PAPPA2: variants seen among roughly 807,000 people sequenced by gnomAD.
PAPPA2 encodes pappalysin 2.
A neutral mutation model predicts 176.4 loss-of-function variants in PAPPA2; 86 were observed. The observed-to-expected ratio is 0.49, with a 90% CI of 0.41 to 0.58. The LOEUF is 0.58. Among genes scored for constraint, PAPPA2 ranks in the 20% least tolerant of loss-of-function variants. The pLI, the probability that PAPPA2 is intolerant of heterozygous loss-of-function variation, is 0.00. For missense variants in PAPPA2, 2,073 were observed against 2,256.9 expected, an observed-to-expected ratio of 0.92 and a Z score of 1.65; for synonymous variants, 809 against 852.2, an observed-to-expected ratio of 0.95 and a Z score of 0.88.
At chr1:176,467,335 C>T (rs897549122) in intron 1 of PAPPA2, among the ~76,000 whole-genome samples, 1 of 152,196 alleles carries the variant, frequency 6.6e-6, no homozygotes, top group African/African-American at 2.4e-5. Flanking sequence ...AGCTGAGGAG[C>T]TTTTCTCCTC....
At chr1:176,590,525 A>G (rs1653593946) in intron 2 of PAPPA2, among the ~76,000 whole-genome samples, 1 of 152,138 alleles carries the variant, frequency 6.6e-6, no homozygotes, top group African/African-American at 2.4e-5. Context: ...CCTTCTCCTC[A>G]TCACAGCTAA....
At chr1:176,723,786 A>C (rs2102853042) in intron 12 of PAPPA2, among the ~76,000 whole-genome samples, 1 of 152,250 alleles carries the variant, frequency 6.6e-6, no homozygotes, top group Non-Finnish European at 1.5e-5. Flanking sequence ...CAAAAGTGTA[A>C]GAATTTTCTT....
At chr1:176,695,690 T>C (rs1175196322) in intron 6 of PAPPA2, 48 bp from the exon 7 acceptor site, 5 of 1,603,862 alleles carry the variant, frequency 3.1e-6, no homozygotes, top group Non-Finnish European at 4.3e-6. Context: ...TCCCAACTCA[T>C]CTGATGGACT....
chr1:176,613,189 GTC>G (rs1655026881), intron 3 of PAPPA2, among the ~76,000 whole-genome samples: 1 of 152,158 alleles, frequency 6.6e-6, no homozygotes, highest in Non-Finnish European at 1.5e-5. Context: ...AAACTTATGT[GTC>G]TAACTCCATT....
chr1:176,752,890 T>C (rs931553944), intron 14 of PAPPA2, among the ~76,000 whole-genome samples: 2 of 152,230 alleles, frequency 1.3e-5, no homozygotes, highest in African/African-American at 4.8e-5. Flanking sequence ...AAAGCTATTC[T>C]TGAGAAGGTC....
In PAPPA2 at chr1:176,770,958, T is replaced by C; in HGVS notation, c.4502-9T>C. On this transcript the variant is annotated splice_polypyrimidine_tract_variant and intron_variant, in intron 16 of 22. Transcript: ENST00000367662. The stretch of plus-strand genomic sequence containing the variant: ...CTGAGCATCTTGTGCTTCTCTTTCC[T>C]GGAGTCAGGACTGAGCCCATGGCTG... The C allele has an allele frequency of 6.2e-7, 1 of 1,613,152 alleles. No individual in the cohort carries two copies. The highest frequency in any genetic ancestry group is 8.5e-7 in the Non-Finnish European group (1 of 1,179,556).
At chr1:176,606,548 T>G (rs750850859) in intron 3 of PAPPA2, among the ~76,000 whole-genome samples, 2 of 152,142 alleles carry the variant, frequency 1.3e-5, no homozygotes, top group Non-Finnish European at 2.9e-5. Flanking sequence ...CACTGCAACC[T>G]CCACCTCCCA....
intron 1 of PAPPA2, among the ~76,000 whole-genome samples, chr1:176,546,784 G>A (rs1018322682): frequency 6.6e-6 from 1 of 152,162 alleles, no homozygotes; most frequent in African/African-American, 2.4e-5. Flanking sequence ...GATCAAAGAA[G>A]TAACATGACT....
At chr1:176,715,540 C>G (rs1047523353) in intron 12 of PAPPA2, among the ~76,000 whole-genome samples, 1 of 152,154 alleles carries the variant, frequency 6.6e-6, no homozygotes, top group African/African-American at 2.4e-5. Context: ...GGGAAACAGT[C>G]ATATCTCATA....
At chr1:176,493,583 A>G (rs1647418447) in intron 1 of PAPPA2, among the ~76,000 whole-genome samples, 1 of 152,222 alleles carries the variant, frequency 6.6e-6, no homozygotes, top group Non-Finnish European at 1.5e-5. Flanking sequence ...GCAGAGAAGA[A>G]TACATATTCT....
Position 176,557,075 on chromosome 1 carries a change from A to G in PAPPA2, c.753A>G (p.Ala251=), listed in dbSNP as rs1169778560. The G allele has an allele frequency of 5.0e-6, 8 of 1,613,846 alleles. 1 individual carries two copies. The highest frequency in any genetic ancestry group is 6.8e-6 in the Non-Finnish European group (8 of 1,179,988). Residue 251 remains alanine (A), a synonymous_variant, in exon 2 of 23, where the codon GCA becomes GCG. Coordinates refer to ENST00000367662, the MANE Select transcript of PAPPA2 (RefSeq NM_020318.3). ...QNGGEGSYRE[A]ETFNSQVGLP... ...GTGGAGAGGGCTCCTACCGAGAAGC[A>G]GAGACCTTTAACTCCCAAGTAGGAC... is the stretch of plus-strand genomic sequence containing the variant.
At chr1:176,548,348 T>A (rs759475075) in intron 1 of PAPPA2, among the ~76,000 whole-genome samples, 1 of 152,118 alleles carries the variant, frequency 6.6e-6, no homozygotes, top group Non-Finnish European at 1.5e-5. Flanking sequence ...TCTTGGGGAA[T>A]CTCTGGAAGA....
rs371261304 is a variant in PAPPA2 at position 176,800,056 on chromosome 1, C to G, written c.5131-5C>G. The G allele has an allele frequency of 4.8e-5, 78 of 1,613,976 alleles. No individual in the cohort carries two copies. In the African/African-American group the frequency reaches 7.9e-4, roughly 16 times the overall value. On this transcript the variant is annotated splice_region_variant and splice_polypyrimidine_tract_variant and intron_variant, in intron 20 of 22. Coordinates refer to ENST00000367662, the MANE Select transcript of PAPPA2 (RefSeq NM_020318.3). ...GTTTTCTGTTTTTCCCGTCTTTCCC[C>G]TTAGAGCATTGTGTGCACTGGCCGG...
intron 21 of PAPPA2, among the ~76,000 whole-genome samples, chr1:176,805,840 C>T (rs909445975): frequency 2.0e-5 from 3 of 151,646 alleles, no homozygotes; most frequent in Middle Eastern, 3.2e-3. Flanking sequence ...AAAAGTTAGC[C>T]AGCTAACTAT....
chr1:176,524,142 T>A (rs938145309), intron 1 of PAPPA2, among the ~76,000 whole-genome samples: 5 of 152,234 alleles, frequency 3.3e-5, no homozygotes, highest in Non-Finnish European at 7.3e-5. Flanking sequence ...TGCAGCACTG[T>A]CGTTTTCAGA....
chr1:176,530,757 A>C (rs985716590), intron 1 of PAPPA2, among the ~76,000 whole-genome samples: 12 of 152,246 alleles, frequency 7.9e-5, no homozygotes, highest in Non-Finnish European at 1.8e-4. Context: ...TTGATAAATT[A>C]CATGAGTTGG....
At chr1:176,738,325 A>G (rs1662514034) in intron 12 of PAPPA2, among the ~76,000 whole-genome samples, 1 of 152,108 alleles carries the variant, frequency 6.6e-6, no homozygotes, top group African/African-American at 2.4e-5. Flanking sequence ...AAGGAGAGAA[A>G]GAAGGGAGAG....
chr1:176,771,334 A>G lies in PAPPA2; in HGVS notation c.4715+154A>G, dbSNP rs1009748111. On this transcript the variant is annotated intron_variant, in intron 17 of 22. Transcript: ENST00000367662. ...GCTTTCTGTAAATATATTCTCTCCA[A>G]TAGAAGATCCCACAGTCTCACTTGC... Among the ~76,000 whole-genome samples, 5 of 152,212 alleles carry G rather than the reference A, an allele frequency of 3.3e-5. No individual in the cohort carries two copies. In the East Asian group the frequency reaches 9.6e-4, roughly 29 times the overall value.
chr1:176,673,725 T>C (rs551826994), intron 4 of PAPPA2, among the ~76,000 whole-genome samples: 9 of 152,174 alleles, frequency 5.9e-5, no homozygotes, highest in Non-Finnish European at 1.2e-4. Context: ...AATTATTTAT[T>C]TGAAGACATC....
Sources: gnomAD v4.1 joint callset for allele counts (sites outside exome capture counted in the v4.1 genomes callset) on GRCh38, gnomAD v4.1.1 for gene constraint, MANE v1.5 for transcripts, NCBI Gene and HGNC (gene_info 2026-07-23, HGNC 2026-07-21) for gene names.